Variants in KIF5A observed in about 807,000 individuals in gnomAD.
The protein encoded by KIF5A is kinesin family member 5A.
In KIF5A, 35 loss-of-function variants were observed where a neutral mutation model predicts 141.3. The observed-to-expected ratio is 0.25, with a 90% CI of 0.19 to 0.33. The LOEUF is 0.33. Among genes scored for constraint, KIF5A ranks in the 10% least tolerant of loss-of-function variants. The probability of loss-of-function intolerance (pLI) is 1.00; values close to 1 mark genes in which losing one functional copy is unlikely to be tolerated. For synonymous variants in KIF5A, 448 were observed against 500.2 expected, an observed-to-expected ratio of 0.90 and a Z score of 1.39; for missense variants, 861 against 1,314.3, an observed-to-expected ratio of 0.66 and a Z score of 5.33.
intron 11 of KIF5A, 87 bp downstream of exon 11, chr12:57,569,770 C>T (rs1244594876): frequency 3.2e-6 from 5 of 1,564,928 alleles, no homozygotes; most frequent in African/African-American, 1.4e-5. Context: ...GTGTTTCTGG[C>T]CAGGCCAATC....
intron 1 of KIF5A, among the ~76,000 whole-genome samples, chr12:57,551,224 C>A (rs1304884460): frequency 6.6e-6 from 1 of 152,178 alleles, no homozygotes; most frequent in Non-Finnish European, 1.5e-5. Flanking sequence ...CTTAAGGGAA[C>A]TAATATTAAC....
intron 2 of KIF5A, 42 bp downstream of exon 2, chr12:57,563,568 T>C (rs748090424): frequency 7.8e-5 from 126 of 1,608,368 alleles, no homozygotes; most frequent in Non-Finnish European, 8.8e-5. Context: ...CAGCACCCCA[T>C]TTCCTACCCG....
intron 10 of KIF5A, 22 bp downstream of exon 10, chr12:57,569,426 G>A (rs768481638): frequency 6.2e-7 from 1 of 1,613,910 alleles, no homozygotes; most frequent in Middle Eastern, 1.6e-4. Flanking sequence ...GGTCCCCAGA[G>A]GGATCCCTGG....
chr12:57,572,044 A>G lies in KIF5A; in HGVS notation c.1363-17A>G, dbSNP rs1594919178. 1.2e-6 allele frequency: 2 copies of G among 1,609,836 alleles called. No individual in the cohort carries two copies. ...CTGGCAGTGATCTTTCCCACATGCCACTCCTCTCCCTTGAAGCTGCTGGTG... is the reference window on the plus strand; with the variant it reads ...CTGGCAGTGATCTTTCCCACATGCCGCTCCTCTCCCTTGAAGCTGCTGGTG... On this transcript the variant is annotated splice_polypyrimidine_tract_variant and intron_variant, in intron 13 of 28. Transcript: ENST00000455537. This position sits in a 1 kb window ranked among gnomAD's most constrained non-coding sequence, Gnocchi z 4.2.
At chr12:57,561,576 C>T (rs765960095) in intron 1 of KIF5A, among the ~76,000 whole-genome samples, 32 of 151,440 alleles carry the variant, frequency 2.1e-4, no homozygotes, top group Middle Eastern at 3.4e-3. Context: ...TTCTATAAGC[C>T]AAATTTAATT....
chr12:57,582,812 T>A (rs1024872518), intron 27 of KIF5A, 183 bp downstream of exon 27: 4 of 659,440 alleles, frequency 6.1e-6, no homozygotes, highest in Non-Finnish European at 1.1e-5. Context: ...GTGCAGAATA[T>A]CTCCCCTCCT....
intron 6 of KIF5A, 53 bp downstream of exon 6, chr12:57,565,026 TG>T (rs1882020579): frequency 5.2e-6 from 8 of 1,534,880 alleles, no homozygotes; most frequent in Non-Finnish European, 7.2e-6. Context: ...AGAATGTTGG[TG>T]GGGGAGGAGC....
At chr12:57,575,866 G>A in intron 17 of KIF5A, 109 bp downstream of exon 17, 1 of 955,598 alleles carries the variant, frequency 1.0e-6, no homozygotes, top group East Asian at 2.4e-5. Flanking sequence ...TGAAATCATG[G>A]ATGCCAACTC....
At position 57,550,550 on chromosome 12, in the gene KIF5A, C is replaced by A; in HGVS notation, c.129+150C>A. 5.6e-5 allele frequency: 45 copies of A among 806,484 alleles called. No homozygotes were observed. The highest frequency in any genetic ancestry group is 5.9e-5 in the East Asian group (2 of 33,814). 50.0% of individuals were successfully genotyped at this position (806,484 alleles called of 1,614,324 possible). ...TCCCCGCAGCCCCTCCTCTCCCCTG[C>A]ATCAGGATGGCTGGGTGTGGCCTGG... On this transcript the variant is annotated intron_variant, in intron 1 of 28. Coordinates refer to ENST00000455537, the MANE Select transcript of KIF5A (RefSeq NM_004984.4). The surrounding 1 kb of genome is among the most constrained non-coding windows in gnomAD (Gnocchi z 4.6).
At chr12:57,559,059 C>A (rs1262561147) in intron 1 of KIF5A, among the ~76,000 whole-genome samples, 1 of 152,218 alleles carries the variant, frequency 6.6e-6, no homozygotes, top group Non-Finnish European at 1.5e-5. Flanking sequence ...TTACACGGTA[C>A]ATGAGCTATC....
At chr12:57,554,847 A>G (rs1594906738) in intron 1 of KIF5A, among the ~76,000 whole-genome samples, 1 of 152,202 alleles carries the variant, frequency 6.6e-6, no homozygotes, top group Non-Finnish European at 1.5e-5. Context: ...TCATAAAGCG[A>G]TAACTCACTC....
At chr12:57,571,222 G>T (rs1882244796) in intron 12 of KIF5A, 99 bp from the exon 13 acceptor site, 1 of 788,828 alleles carries the variant, frequency 1.3e-6, no homozygotes, top group South Asian at 1.4e-5. Flanking sequence ...TATACTATCT[G>T]GATTTTTATC....
chr12:57,570,788 A>G (rs1882229682), intron 12 of KIF5A, among the ~76,000 whole-genome samples: 1 of 151,718 alleles, frequency 6.6e-6, no homozygotes, highest in African/African-American at 2.4e-5. Context: ...ATTTTCATTT[A>G]TTATTATTAT....
intron 25 of KIF5A, 76 bp from the exon 26 acceptor site, chr12:57,581,794 A>G: frequency 7.3e-7 from 1 of 1,378,646 alleles, no homozygotes; most frequent in Non-Finnish European, 1.0e-6. Context: ...ATCACTGAGG[A>G]TGAGTGTGGA....
intron 5 of KIF5A, 109 bp downstream of exon 5, chr12:57,564,617 C>G (rs537199672): frequency 7.2e-6 from 7 of 969,104 alleles, no homozygotes; most frequent in Non-Finnish European, 1.2e-5. Flanking sequence ...AGAGGGCACA[C>G]AGCACCCAAG....
chr12:57,563,331 G>A, intron 1 of KIF5A, 108 bp from the exon 2 acceptor site: 1 of 787,086 alleles, frequency 1.3e-6, no homozygotes, highest in South Asian at 1.4e-5. Context: ...GTTCATTAAG[G>A]GCATTGAAGA....
At chr12:57,556,519 A>G (rs1881750648) in intron 1 of KIF5A, among the ~76,000 whole-genome samples, 1 of 151,546 alleles carries the variant, frequency 6.6e-6, no homozygotes, top group Non-Finnish European at 1.5e-5. Context: ...CCCAGCCTAG[A>G]CTGATGTAAA....
chr12:57,575,547 G>C, intron 16 of KIF5A, 93 bp from the exon 17 acceptor site: 1 of 1,085,310 alleles, frequency 9.2e-7, no homozygotes, highest in Non-Finnish European at 1.4e-6. Context: ...GCAGGAGGGA[G>C]GGCTGGGAGG....
intron 1 of KIF5A, among the ~76,000 whole-genome samples, chr12:57,554,136 G>A (rs1190848404): frequency 6.6e-6 from 1 of 151,954 alleles, no homozygotes; most frequent in African/African-American, 2.4e-5. Flanking sequence ...ATAAGGCTCT[G>A]ACACAGTGTT....
Sources: allele counts gnomAD v4.1 joint callset (sites outside exome capture counted in the v4.1 genomes callset), GRCh38; gene constraint gnomAD v4.1.1; non-coding constraint Gnocchi (gnomAD v3.1); transcripts MANE v1.5; gene names NCBI Gene and HGNC (gene_info 2026-07-23, HGNC 2026-07-21).